Variants in DEPDC5 observed in about 807,000 individuals in gnomAD.
DEPDC5 encodes the protein GATOR1 complex protein DEPDC5.
In DEPDC5, 73 loss-of-function variants were observed where a neutral mutation model predicts 217.3. The observed-to-expected ratio is 0.34, with a 90% CI of 0.28 to 0.41. DEPDC5 has a LOEUF of 0.41. Among genes scored for constraint, DEPDC5 ranks in the 10% least tolerant of loss-of-function variants. The pLI, the probability that DEPDC5 is intolerant of heterozygous loss-of-function variation, is 1.00. For missense variants in DEPDC5, 1,675 were observed against 2,070.1 expected (o/e 0.81, Z 3.70); for synonymous variants, 733 against 756.7 (o/e 0.97, Z 0.51).
chr22:31,826,406 C>T (rs886286690), intron 24 of DEPDC5: 1 of 396,556 alleles, frequency 2.5e-6, no homozygotes, highest in Non-Finnish European at 5.0e-6. Flanking sequence ...GTTGTCATTA[C>T]AATAACATAT....
chr22:31,876,025 T>C lies in DEPDC5; in HGVS notation c.3697-132T>C, dbSNP rs1001306317. On this transcript the variant is annotated intron_variant, in intron 36 of 42. Transcript: ENST00000651528. ...AATATAATTTATATCAAGTACAACA[T>C]GTCTAATCTGGGGGTGGAGGGTAGG... is the stretch of plus-strand genomic sequence containing the variant. 43 of 663,258 alleles carry C rather than the reference T, an allele frequency of 6.5e-5. No individual in the cohort carries two copies. In the African/African-American group the frequency reaches 7.0e-4, roughly 11 times the overall value. The allele number at this position is 663,258 out of a possible 1,614,324, so 41.1% of individuals were successfully genotyped here. A position where few individuals can be genotyped will look rare whatever the true frequency, so the allele number is the denominator to read the frequency against.
intron 7 of DEPDC5, among the ~76,000 whole-genome samples, chr22:31,774,653 C>G (rs1285097036): frequency 6.7e-6 from 1 of 149,822 alleles, no homozygotes; most frequent in Non-Finnish European, 1.5e-5. Context: ...CCAGCCTAGA[C>G]AACATGGTGA....
chr22:31,808,895 G>C (rs1255827388), intron 18 of DEPDC5, among the ~76,000 whole-genome samples: 1 of 151,904 alleles, frequency 6.6e-6, no homozygotes, highest in Non-Finnish European at 1.5e-5. Context: ...GCAAGAGTTA[G>C]TATTGTTGTG....
At chr22:31,808,225 A>T (rs2087788763) in intron 18 of DEPDC5, among the ~76,000 whole-genome samples, 2 of 149,698 alleles carry the variant, frequency 1.3e-5, no homozygotes, top group South Asian at 4.3e-4. Context: ...CCTCCCCAAT[A>T]GCTAGGACTA....
intron 21 of DEPDC5, among the ~76,000 whole-genome samples, chr22:31,818,583 G>T (rs1483372945): frequency 6.6e-6 from 1 of 152,220 alleles, no homozygotes; most frequent in African/African-American, 2.4e-5. Flanking sequence ...AAAATCAAAT[G>T]GGTTTATAGT....
chr22:31,857,719 G>C (rs1271697271), intron 32 of DEPDC5, 166 bp downstream of exon 32: 1 of 521,866 alleles, frequency 1.9e-6, no homozygotes, highest in African/African-American at 2.0e-5. Context: ...TTTTATATAG[G>C]GACTTTCTTA....
chr22:31,843,210 C>T lies in DEPDC5; in HGVS notation c.2631C>T (p.Pro877=). Residue 877 remains proline (P), a splice_region_variant and synonymous_variant, in exon 28 of 43, where the codon CCC becomes CCT. Transcript: ENST00000651528. ...DKMITVTRYL[P]KYPYESAQIH... is the part of the protein sequence containing the mutation. ...TGATCACAGTGACGCGATACCTTCC[C>T]AAGTGAGTATTTGGATATTTAAAGT... 1 of 1,612,956 alleles carries T rather than the reference C, an allele frequency of 6.2e-7. No individual in the cohort carries two copies. The highest frequency in any genetic ancestry group is 1.1e-5 in the South Asian group (1 of 90,816).
intron 31 of DEPDC5, among the ~76,000 whole-genome samples, chr22:31,848,078 T>A (rs1355182918): frequency 6.6e-6 from 1 of 152,210 alleles, no homozygotes; most frequent in Non-Finnish European, 1.5e-5. Context: ...ATGATCTCCT[T>A]TGATTCCAAG....
intron 37 of DEPDC5, among the ~76,000 whole-genome samples, chr22:31,879,107 CATATATAT>C (rs1303077980): frequency 3.3e-5 from 4 of 122,772 alleles, no homozygotes; most frequent in Admixed American, 2.5e-4. Flanking sequence ...CATATATATA[CATATATAT>C]ACACATATAT....
chr22:31,803,384 T>G (rs907603601), intron 15 of DEPDC5, among the ~76,000 whole-genome samples: 1 of 152,048 alleles, frequency 6.6e-6, no homozygotes, highest in African/African-American at 2.4e-5. Flanking sequence ...CTAATTTTTT[T>G]TGTATTTTTA....
intron 39 of DEPDC5, among the ~76,000 whole-genome samples, chr22:31,895,861 T>C (rs1017828770): frequency 2.6e-5 from 4 of 151,378 alleles, no homozygotes; most frequent in African/African-American, 9.7e-5. Flanking sequence ...AAGGTCCAAA[T>C]AAAAAAAGAC....
chr22:31,760,300 C>CGAGTCTCCAGACGGT (rs1458470194), intron 3 of DEPDC5, among the ~76,000 whole-genome samples: 135 of 151,884 alleles, frequency 8.9e-4, no homozygotes, highest in African/African-American at 3.1e-3. Context: ...GATCTCCTGA[C>CGAGTCTCCAGACGGT]CTCATGATCC....
chr22:31,790,084 A>G (rs2085446375), intron 10 of DEPDC5, among the ~76,000 whole-genome samples: 1 of 152,118 alleles, frequency 6.6e-6, no homozygotes, highest in Admixed American at 6.6e-5. Context: ...AAAATTAGAT[A>G]AGGGTGCTGA....
chr22:31,840,432 G>A (rs2091322373), intron 27 of DEPDC5, among the ~76,000 whole-genome samples: 1 of 152,366 alleles, frequency 6.6e-6, no homozygotes, highest in Non-Finnish European at 1.5e-5. Flanking sequence ...AGCCAGAGAT[G>A]TCAGGAGACC....
intron 38 of DEPDC5, among the ~76,000 whole-genome samples, chr22:31,880,647 C>T (rs1316820881): frequency 1.3e-5 from 2 of 152,260 alleles, no homozygotes; most frequent in Non-Finnish European, 2.9e-5. Flanking sequence ...CGCCTGTAAT[C>T]CCAGCACTTT....
In DEPDC5 at chr22:31,879,065, T is replaced by TACAC. The variant is rs1370897437; in HGVS notation, c.3806-459_3806-458insCACA. Among the ~76,000 whole-genome samples the TACAC allele has an allele frequency of 4.9e-3, 671 of 137,450 alleles. 3 individuals carry two copies. The highest frequency in any genetic ancestry group is 7.7e-3 in the Non-Finnish European group (505 of 65,428). The allele number at this position is 137,450 out of a possible 152,430, so 90.2% of individuals were successfully genotyped here. The stretch of plus-strand genomic sequence containing the variant: ...AAAAATATATATATATATATATATA[T>TACAC]ATACACACACACACACGTATATATA... On this transcript the variant is annotated intron_variant, in intron 37 of 42. Coordinates refer to ENST00000651528, the MANE Select transcript of DEPDC5 (RefSeq NM_001242896.3).
chr22:31,829,484 A>G (rs374405373), intron 24 of DEPDC5, among the ~76,000 whole-genome samples: 2 of 152,046 alleles, frequency 1.3e-5, no homozygotes, highest in East Asian at 3.9e-4. Context: ...GTGAGCCAAG[A>G]TCATGCCATT....
chr22:31,758,624 A>T lies in DEPDC5; in HGVS notation c.137A>T (p.Asp46Val), dbSNP rs769208150. 10 of 1,613,936 alleles carry T rather than the reference A, an allele frequency of 6.2e-6. No individual in the cohort carries two copies. In the Admixed American group the frequency reaches 6.7e-5, roughly 11 times the overall value. The change falls in exon 3 of 43, where the codon GAT becomes GTT. Residue 46 changes from aspartate (D) to valine (V), a missense_variant. By Grantham distance (152) the Asp-to-Val change is radical. Around this residue, in one of 11 missense-constraint regions of DEPDC5, gnomAD observed 628 missense variants for 762.1 expected, o/e 0.82. Coordinates refer to ENST00000651528, the MANE Select transcript of DEPDC5 (RefSeq NM_001242896.3). ...ATTGTAGAGATTGCACACCCCAACGATGAATACAGGTGAGTGTCTCATAGG... is the reference window on the plus strand; with the variant it reads ...ATTGTAGAGATTGCACACCCCAACGTTGAATACAGGTGAGTGTCTCATAGG... ...GDIVEIAHPN[D>V]EYSPLLLQVK...
At chr22:31,766,695 T>A (rs1371497808) in intron 6 of DEPDC5, 27 bp downstream of exon 6, 1 of 1,597,088 alleles carries the variant, frequency 6.3e-7, no homozygotes. Flanking sequence ...TTTGAAAGTC[T>A]GTTACTTTTT....
Sources: allele counts gnomAD v4.1 joint callset (sites outside exome capture counted in the v4.1 genomes callset), GRCh38; gene constraint gnomAD v4.1.1; regional missense constraint gnomAD v4.1.1; transcripts MANE v1.5; gene names NCBI Gene and HGNC (gene_info 2026-07-23, HGNC 2026-07-21).